MAPKAP1: variants seen among roughly 807,000 people sequenced by gnomAD.
The protein encoded by MAPKAP1 is target of rapamycin complex 2 subunit MAPKAP1.
MAPKAP1 carries 20 observed loss-of-function variants against 65.7 expected under a neutral mutation model. The ratio of observed to expected loss-of-function variants is 0.30; its 90% confidence interval spans 0.21 to 0.44. MAPKAP1 has a LOEUF of 0.44. Ranked by LOEUF, MAPKAP1 falls within the 20% of genes least tolerant of loss-of-function variation. The pLI is 1.00. For missense variants in MAPKAP1, 423 were observed against 648.0 expected, an observed-to-expected ratio of 0.65 and a Z score of 3.77; for synonymous variants, 222 against 244.3, an observed-to-expected ratio of 0.91 and a Z score of 0.85.
At position 125,450,663 on chromosome 9, in the gene MAPKAP1, C is replaced by T. The variant is rs909307884; in HGVS notation, c.1346-6065G>A. Among the ~76,000 whole-genome samples, 3 of 152,202 alleles carry T rather than the reference C, an allele frequency of 2.0e-5. No individual in the cohort carries two copies. The East Asian group carries it at 5.8e-4, about 29-fold the overall frequency. The stretch of plus-strand genomic sequence containing the variant: ...TTGGGATTCTTTCTCAATTCCTTTA[C>T]ATCAGGCATGGATACTTTTTGAAAA... On this transcript the variant is annotated intron_variant, in intron 10 of 11. Coordinates refer to ENST00000265960, the MANE Select transcript of MAPKAP1 (RefSeq NM_001006617.3).
chr9:125,504,470 G>T (rs1829080060), intron 8 of MAPKAP1, among the ~76,000 whole-genome samples: 1 of 152,054 alleles, frequency 6.6e-6, no homozygotes, highest in Non-Finnish European at 1.5e-5. Context: ...GCTGTCTGGG[G>T]CCCTAGTCAA....
At chr9:125,508,143 G>A (rs963635184) in intron 7 of MAPKAP1, among the ~76,000 whole-genome samples, 3 of 152,158 alleles carry the variant, frequency 2.0e-5, no homozygotes, top group South Asian at 2.1e-4. Flanking sequence ...TCCAGCCTGG[G>A]CAACAGAGAG....
At chr9:125,521,875 G>A in intron 7 of MAPKAP1, 1 of 936,832 alleles carries the variant, frequency 1.1e-6, no homozygotes, top group Non-Finnish European at 1.7e-6. Context: ...AGCAAGCTTA[G>A]AGCCAATTGT....
At chr9:125,480,998 A>G (rs1281093122) in intron 9 of MAPKAP1, among the ~76,000 whole-genome samples, 1 of 150,932 alleles carries the variant, frequency 6.6e-6, no homozygotes, top group African/African-American at 2.4e-5. Context: ...AAAAAAAAAA[A>G]AAAGAATATG....
At chr9:125,678,991 C>T (rs1392031909) in intron 1 of MAPKAP1, among the ~76,000 whole-genome samples, 1 of 124,048 alleles carries the variant, frequency 8.1e-6, no homozygotes. Context: ...TTACAATAGT[C>T]ATAATAAACA....
chr9:125,537,206 G>A (rs537260512), intron 7 of MAPKAP1, among the ~76,000 whole-genome samples: 1 of 152,290 alleles, frequency 6.6e-6, no homozygotes, highest in Non-Finnish European at 1.5e-5. Flanking sequence ...TAACCTCTTA[G>A]AGCTGAGGAA....
chr9:125,603,062 CT>C lies in MAPKAP1; in HGVS notation c.499-17336del, dbSNP rs1297670854. Among the ~76,000 whole-genome samples, 27 of 150,774 alleles carry C rather than the reference CT, an allele frequency of 1.8e-4. No individual in the cohort carries two copies. The East Asian group carries it at 5.0e-3, about 28-fold the overall frequency. On this transcript the variant is annotated intron_variant, in intron 4 of 11. Coordinates refer to ENST00000265960, the MANE Select transcript of MAPKAP1 (RefSeq NM_001006617.3). Reference sequence around the variant, plus strand: ...GGAACACCACCACACTTGCGTCTTTCTTTCTTTCTTTCTTTCTTTTTTTTTT... The same window carrying C: ...GGAACACCACCACACTTGCGTCTTTCTTCTTTCTTTCTTTCTTTTTTTTTT...
chr9:125,654,677 G>A (rs1019002766), intron 4 of MAPKAP1, among the ~76,000 whole-genome samples: 1 of 152,074 alleles, frequency 6.6e-6, no homozygotes, highest in Non-Finnish European at 1.5e-5. Context: ...AAAATTACTT[G>A]GAAATATTCA....
intron 6 of MAPKAP1, among the ~76,000 whole-genome samples, chr9:125,555,074 TTA>T (rs1293189412): frequency 1.3e-5 from 2 of 152,112 alleles, no homozygotes; most frequent in Non-Finnish European, 2.9e-5. Context: ...AATTTGTATT[TTA>T]TTAACGTTAT....
At chr9:125,623,729 G>A (rs1832987500) in intron 4 of MAPKAP1, among the ~76,000 whole-genome samples, 2 of 45,142 alleles carry the variant, frequency 4.4e-5, no homozygotes, top group Admixed American at 2.1e-4. Context: ...CCCCCCGCCC[G>A]GCCAGCCGCC....
At chr9:125,602,632 C>CAG (rs1334615708) in intron 4 of MAPKAP1, among the ~76,000 whole-genome samples, 2 of 152,210 alleles carry the variant, frequency 1.3e-5, no homozygotes, top group Admixed American at 1.3e-4. Context: ...CGTCTGTACA[C>CAG]AGCCCTTGCA....
In MAPKAP1 at chr9:125,668,088, C is replaced by T. The variant is rs934883495; in HGVS notation, c.349+1730G>A. Among the ~76,000 whole-genome samples the T allele has an allele frequency of 3.9e-5, 6 of 152,188 alleles. 1 individual carries two copies. The highest frequency in any genetic ancestry group is 2.9e-5 in the Non-Finnish European group (2 of 68,034). ...ATTGGGACTTCTGGTTCTACACAGT[C>T]ATCACTTAGTAGCAGTCATGAAGAA... On this transcript the variant is annotated intron_variant, in intron 3 of 11. Coordinates refer to ENST00000265960, the MANE Select transcript of MAPKAP1 (RefSeq NM_001006617.3).
chr9:125,523,624 A>C (rs1396090654), intron 7 of MAPKAP1, among the ~76,000 whole-genome samples: 2 of 152,258 alleles, frequency 1.3e-5, no homozygotes, highest in East Asian at 3.8e-4. Flanking sequence ...ACGATGCTAG[A>C]GAAAAAAGCT....
At chr9:125,452,378 C>T (rs1852988770) in intron 10 of MAPKAP1, among the ~76,000 whole-genome samples, 1 of 152,062 alleles carries the variant, frequency 6.6e-6, no homozygotes, top group South Asian at 2.1e-4. Flanking sequence ...GGATGACAGG[C>T]GTGAGCCACT....
chr9:125,513,659 G>A lies in MAPKAP1; in HGVS notation c.959-7242C>T, dbSNP rs550229897. Among the ~76,000 whole-genome samples the A allele has an allele frequency of 4.6e-5, 7 of 152,280 alleles. No homozygotes were observed. The East Asian group carries it at 1.4e-3, about 29-fold the overall frequency. ...CAGGACTTCCCTTAGCAAAGTGCTC[G>A]GTCAATGAGAGCTGCTATTATTGCA... On this transcript the variant is annotated intron_variant, in intron 7 of 11. Coordinates refer to ENST00000265960, the MANE Select transcript of MAPKAP1 (RefSeq NM_001006617.3).
In MAPKAP1 at chr9:125,595,549, A is replaced by T; in HGVS notation, c.499-9822T>A. On this transcript the variant is annotated intron_variant, in intron 4 of 11. Coordinates refer to ENST00000265960, the MANE Select transcript of MAPKAP1 (RefSeq NM_001006617.3). This position sits in a 1 kb window ranked among gnomAD's most constrained non-coding sequence, Gnocchi z 4.0. ...AGTAGGAGAAGCAATAAGAATACAG[A>T]TGGGATTCAGTTCAAAATAATCTTG... The T allele has an allele frequency of 8.4e-7, 1 of 1,188,350 alleles. No homozygotes were observed. The highest frequency in any genetic ancestry group is 1.1e-6 in the Non-Finnish European group (1 of 951,918). 73.6% of individuals were successfully genotyped at this position (1,188,350 alleles called of 1,614,324 possible). A position where few individuals can be genotyped will look rare whatever the true frequency, so the allele number is the denominator to read the frequency against.
chr9:125,556,556 G>A (rs1394531078), intron 6 of MAPKAP1, among the ~76,000 whole-genome samples: 1 of 152,156 alleles, frequency 6.6e-6, no homozygotes, highest in African/African-American at 2.4e-5. Flanking sequence ...TTGGCCCTTA[G>A]TAAGTATTAG....
chr9:125,536,210 A>G (rs910406523), intron 7 of MAPKAP1, among the ~76,000 whole-genome samples: 18 of 152,196 alleles, frequency 1.2e-4, no homozygotes, highest in African/African-American at 4.3e-4. Flanking sequence ...CAATGCCACT[A>G]TCTTCAACGT....
At chr9:125,630,649 T>C (rs943828915) in intron 4 of MAPKAP1, among the ~76,000 whole-genome samples, 1 of 152,158 alleles carries the variant, frequency 6.6e-6, no homozygotes, top group African/African-American at 2.4e-5. Flanking sequence ...CCCTTAATCA[T>C]GGAAAGATGA....
Sources: allele counts gnomAD v4.1 joint callset (sites outside exome capture counted in the v4.1 genomes callset), GRCh38; gene constraint gnomAD v4.1.1; non-coding constraint Gnocchi (gnomAD v3.1); transcripts MANE v1.5; gene names NCBI Gene and HGNC (gene_info 2026-07-23, HGNC 2026-07-21).